RCOR1: variants seen among roughly 807,000 people sequenced by gnomAD.
RCOR1 encodes REST corepressor.
Under a neutral mutation model 64.0 loss-of-function variants are expected in RCOR1, and 12 were observed. The ratio of observed to expected loss-of-function variants is 0.19; its 90% CI spans 0.12 to 0.30. The LOEUF is 0.30. RCOR1 is among the 10% of genes least tolerant of loss of function. The pLI is 1.00. For missense variants in RCOR1, 502 were observed against 621.2 expected (o/e 0.81, Z 2.04); for synonymous variants, 279 against 227.2 (o/e 1.23, Z -2.05).
intron 4 of RCOR1, among the ~76,000 whole-genome samples, chr14:102,703,470 A>G (rs1895787944): frequency 6.6e-6 from 1 of 152,220 alleles, no homozygotes; most frequent in Non-Finnish European, 1.5e-5. Flanking sequence ...GAACTAACCT[A>G]TTACATATAA....
At chr14:102,717,160 C>A (rs1896082445) in intron 8 of RCOR1, among the ~76,000 whole-genome samples, 1 of 152,206 alleles carries the variant, frequency 6.6e-6, no homozygotes, top group African/African-American at 2.4e-5. Context: ...TTGCATAGTA[C>A]ATTTAAACTG....
chr14:102,685,058 T>C (rs1419795253), intron 3 of RCOR1, among the ~76,000 whole-genome samples: 2 of 141,672 alleles, frequency 1.4e-5, no homozygotes, highest in Non-Finnish European at 3.1e-5. Context: ...ATCCCTGGCT[T>C]TTCTTGTGTG....
At chr14:102,653,472 G>A (rs772953273) in intron 2 of RCOR1, among the ~76,000 whole-genome samples, 4 of 152,178 alleles carry the variant, frequency 2.6e-5, no homozygotes, top group Non-Finnish European at 5.9e-5. Flanking sequence ...ACAGGCATGA[G>A]CCACCACGTG....
At chr14:102,602,659 G>A (rs1400752049) in intron 2 of RCOR1, among the ~76,000 whole-genome samples, 5 of 152,102 alleles carry the variant, frequency 3.3e-5, no homozygotes, top group East Asian at 1.9e-4. Flanking sequence ...CTCCCGCATC[G>A]GCCTCCCAAA....
rs539970816 is a variant in RCOR1, at chr14:102,729,983, G to A, written c.*3477G>A. 4.5e-5 allele frequency: 18 copies of A among 399,062 alleles called. No homozygotes were observed. Among genetic ancestry groups the A allele is most frequent in the Admixed American group, 1.8e-4 (4 of 22,730 alleles). 24.7% of individuals were successfully genotyped at this position (399,062 alleles called of 1,614,324 possible). ...TCACCTAAACCTAGTGGTCCTGTGCGATGCTCTTTCTGCCAGTCCCTGAAT... is the reference window on the plus strand; with the variant it reads ...TCACCTAAACCTAGTGGTCCTGTGCAATGCTCTTTCTGCCAGTCCCTGAAT... On this transcript the variant is annotated 3_prime_UTR_variant, in exon 12 of 12. Transcript: ENST00000262241.
chr14:102,708,369 G>A (rs1477434493), intron 5 of RCOR1, 96 bp from the exon 6 acceptor site: 1 of 715,162 alleles, frequency 1.4e-6, no homozygotes, highest in African/African-American at 1.8e-5. Context: ...CAAAGTGCTG[G>A]GATTACAGGC....
chr14:102,677,225 C>T (rs531122643), intron 2 of RCOR1, among the ~76,000 whole-genome samples: 1 of 134,690 alleles, frequency 7.4e-6, no homozygotes, highest in Non-Finnish European at 1.6e-5. Flanking sequence ...CCCCCTCCCC[C>T]CTCCCGGACG....
At chr14:102,648,420 A>C (rs1760003397) in intron 2 of RCOR1, among the ~76,000 whole-genome samples, 1 of 152,114 alleles carries the variant, frequency 6.6e-6, no homozygotes, top group Non-Finnish European at 1.5e-5. Flanking sequence ...ATCTTAGAAT[A>C]TTTCAAATTT....
At chr14:102,719,619 T>G (rs1896138037) in intron 8 of RCOR1, among the ~76,000 whole-genome samples, 1 of 152,190 alleles carries the variant, frequency 6.6e-6, no homozygotes, top group African/African-American at 2.4e-5. Flanking sequence ...ATGGTATATA[T>G]GCAGCCTAGA....
At chr14:102,666,864 C>T (rs989882870) in intron 2 of RCOR1, among the ~76,000 whole-genome samples, 4 of 152,154 alleles carry the variant, frequency 2.6e-5, no homozygotes, top group Admixed American at 1.3e-4. Flanking sequence ...ACAGTGGAAA[C>T]GTCTGAGTTT....
At chr14:102,676,675 C>G (rs1407096197) in intron 2 of RCOR1, among the ~76,000 whole-genome samples, 1 of 84,628 alleles carries the variant, frequency 1.2e-5, no homozygotes, top group Non-Finnish European at 2.4e-5. Context: ...GCTGGCTGGG[C>G]GGGGGGCTGA....
intron 2 of RCOR1, among the ~76,000 whole-genome samples, chr14:102,623,162 A>G (rs1486622317): frequency 6.6e-6 from 1 of 151,982 alleles, no homozygotes; most frequent in Non-Finnish European, 1.5e-5. Flanking sequence ...CATTTAATGT[A>G]TTTATTGATA....
chr14:102,621,416 C>A (rs1893871953), intron 2 of RCOR1, among the ~76,000 whole-genome samples: 1 of 143,610 alleles, frequency 7.0e-6, no homozygotes, highest in Non-Finnish European at 1.5e-5. Flanking sequence ...TGCCCTGTCA[C>A]CCAAGCTGGA....
chr14:102,704,404 T>C (rs1427761724), intron 4 of RCOR1, among the ~76,000 whole-genome samples: 8 of 152,250 alleles, frequency 5.3e-5, no homozygotes, highest in Non-Finnish European at 2.9e-5. Flanking sequence ...TATGTATAAA[T>C]AATACAAAAC....
chr14:102,622,608 C>T (rs1052038287), intron 2 of RCOR1, among the ~76,000 whole-genome samples: 1 of 152,100 alleles, frequency 6.6e-6, no homozygotes, highest in Non-Finnish European at 1.5e-5. Flanking sequence ...CAAAATTCCC[C>T]TAATCTTCAG....
At chr14:102,719,262 A>T (rs11851818) in intron 8 of RCOR1, among the ~76,000 whole-genome samples, 67,847 of 151,762 alleles carry the variant, frequency 0.45, 17,215 homozygotes, top group African/African-American at 0.71. Context: ...TTCTTTTTTT[A>T]AAATTATACT....
Position 102,592,950 on chromosome 14 carries a change from G to GCCGCCTCCGCCT in RCOR1, c.70_81dup (p.Ser24_Ala27dup). The GCCGCCTCCGCCT allele has an allele frequency of 8.4e-7, 1 of 1,189,376 alleles. No individual in the cohort carries two copies. Among genetic ancestry groups the GCCGCCTCCGCCT allele is most frequent in the Non-Finnish European group, 1.0e-6 (1 of 954,184 alleles). The allele number at this position is 1,189,376 out of a possible 1,614,324, so 73.7% of individuals were successfully genotyped here. ...GAAGCGGAGAGGGAGGAACAACGCGGCCGCCTCCGCCTCCGCCGCCGCCGC... is the reference window on the plus strand; with the variant it reads ...GAAGCGGAGAGGGAGGAACAACGCGGCCGCCTCCGCCTCCGCCTCCGCCTCCGCCGCCGCCGC... On this transcript the variant is annotated inframe_insertion, in exon 1 of 12. Coordinates refer to ENST00000262241, the MANE Select transcript of RCOR1 (RefSeq NM_015156.4).
At chr14:102,644,112 A>T (rs1280338007) in intron 2 of RCOR1, among the ~76,000 whole-genome samples, 1 of 152,176 alleles carries the variant, frequency 6.6e-6, no homozygotes. Flanking sequence ...GGAGCTGAAC[A>T]GTAGGGTGCT....
intron 8 of RCOR1, 41 bp downstream of exon 8, chr14:102,714,658 G>A (rs755685382): frequency 1.4e-6 from 2 of 1,450,248 alleles, no homozygotes; most frequent in South Asian, 1.3e-5. Context: ...GAATTAATTA[G>A]CACTTTAGAG....
Sources: allele counts gnomAD v4.1 joint callset (sites outside exome capture counted in the v4.1 genomes callset), GRCh38; gene constraint gnomAD v4.1.1; transcripts MANE v1.5; gene names NCBI Gene and HGNC (gene_info 2026-07-23, HGNC 2026-07-21).